BLM: variants seen among roughly 807,000 people sequenced by gnomAD.
BLM encodes the protein recQ-like DNA helicase BLM.
BLM carries 95 observed loss-of-function variants against 135.3 expected under a neutral mutation model. The ratio of observed to expected loss-of-function variants is 0.70; its 90% CI spans 0.59 to 0.83. The LOEUF is 0.83. BLM is among the 40% of genes least tolerant of loss of function. The probability of loss-of-function intolerance (pLI) is 0.00; values close to 1 mark genes in which losing one functional copy is unlikely to be tolerated. For missense variants in BLM, 1,518 were observed against 1,663.9 expected (o/e 0.91, Z 1.53); for synonymous variants, 520 against 589.2 (o/e 0.88, Z 1.70).
intron 10 of BLM, 58 bp from the exon 11 acceptor site, chr15:90,769,075 A>G (rs999719287): frequency 3.0e-6 from 4 of 1,350,046 alleles, no homozygotes; most frequent in Non-Finnish European, 4.3e-6. Flanking sequence ...TGAAGACCAC[A>G]GAATCATGAG....
Position 90,765,307 on chromosome 15 carries a change from A to G in BLM, c.2086A>G (p.Ser696Gly), listed in dbSNP as rs1896091802. The stretch of plus-strand genomic sequence containing the variant: ...TTGTTCTCTTTCAGGAGGTGGTAAG[A>G]GTTTGTGTTACCAGCTCCCTGCCTG... Reference protein sequence around the residue: ...FILMPTGGGKSLCYQLPACVS... With the variant: ...FILMPTGGGKGLCYQLPACVS... The change falls in exon 9 of 22, where the codon AGT becomes GGT. Residue 696 changes from serine (S) to glycine (G), a missense_variant. Physicochemically the swap from Ser to Gly is moderately conservative, Grantham distance 56 (BLOSUM62 0). Around this residue, in one of 5 missense-constraint regions of BLM, gnomAD observed 626 missense variants for 681.1 expected, o/e 0.92. Coordinates refer to ENST00000355112, the MANE Select transcript of BLM (RefSeq NM_000057.4). 6.2e-7 allele frequency: 1 copy of G among 1,609,492 alleles called. No individual in the cohort carries two copies. The highest frequency in any genetic ancestry group is 8.5e-7 in the Non-Finnish European group (1 of 1,175,852).
chr15:90,813,470 T>G (rs1046294862), intron 21 of BLM, among the ~76,000 whole-genome samples: 1 of 152,166 alleles, frequency 6.6e-6, no homozygotes, highest in South Asian at 2.1e-4. Context: ...CTTGGCTCAC[T>G]GCAGCCTCTG....
rs77970791 is a variant in BLM at position 90,788,166 on chromosome 15, G to C, written c.2824-2483G>C. On this transcript the variant is annotated intron_variant, in intron 14 of 21. Transcript: ENST00000355112. ...GTTGACAAAAGGAGGTAAGGATTCA[G>C]CCTAAGAATAGTAAGTGTACCCAAG... Among the ~76,000 whole-genome samples the C allele has an allele frequency of 2.8e-3, 428 of 152,222 alleles. 7 individuals carry two copies. The highest frequency in any genetic ancestry group is 0.019 in the Admixed American group (289 of 15,282).
At position 90,803,842 on chromosome 15, in the gene BLM, G is replaced by A. The variant is rs898572636; in HGVS notation, c.3558+122G>A. On this transcript the variant is annotated intron_variant, in intron 18 of 21. Coordinates refer to ENST00000355112, the MANE Select transcript of BLM (RefSeq NM_000057.4). The stretch of plus-strand genomic sequence containing the variant: ...TGAATTTATATATACTGTTCTATAC[G>A]AACATATTCTGTTTTTCTTAAATTG... The A allele has an allele frequency of 5.7e-5, 59 of 1,029,874 alleles. 1 individual carries two copies. The highest frequency in any genetic ancestry group is 4.1e-4 in the Admixed American group (16 of 39,134). 63.8% of individuals were successfully genotyped at this position (1,029,874 alleles called of 1,614,324 possible).
chr15:90,740,945 TG>T (rs2151140289), intron 1 of BLM, among the ~76,000 whole-genome samples: 1 of 152,304 alleles, frequency 6.6e-6, no homozygotes, highest in East Asian at 1.9e-4. Context: ...CACTCTCAGG[TG>T]TTTCTTCATA....
At chr15:90,799,848 G>T (rs1165714685) in intron 17 of BLM, among the ~76,000 whole-genome samples, 1 of 152,082 alleles carries the variant, frequency 6.6e-6, no homozygotes, top group African/African-American at 2.4e-5. Flanking sequence ...CAAAGGGGCA[G>T]TTAGAATGTG....
chr15:90,804,203 A>C lies in BLM; in HGVS notation c.3595A>C (p.Lys1199Gln). The C allele has an allele frequency of 6.2e-7, 1 of 1,614,196 alleles. No homozygotes were observed. The highest frequency in any genetic ancestry group is 8.5e-7 in the Non-Finnish European group (1 of 1,180,006). ...GGAAACAGAAAATTCCAGCAGTGTG[A>C]AAAAACAAAAAGCGTTAGTAGCAAA... ...FMETENSSSV[K>Q]KQKALVAKVS... Residue 1199 changes from lysine (K) to glutamine (Q), a missense_variant, in exon 19 of 22, where the codon AAA becomes CAA. Coordinates refer to ENST00000355112, the MANE Select transcript of BLM (RefSeq NM_000057.4).
chr15:90,721,708 G>A (rs60376751), intron 1 of BLM, among the ~76,000 whole-genome samples: 4 of 152,074 alleles, frequency 2.6e-5, no homozygotes, highest in South Asian at 2.1e-4. Flanking sequence ...CTAGGTGGGC[G>A]GATCATGAGG....
chr15:90,751,448 T>C (rs140728932), intron 3 of BLM, among the ~76,000 whole-genome samples: 2 of 152,354 alleles, frequency 1.3e-5, no homozygotes, highest in Non-Finnish European at 2.9e-5. Flanking sequence ...ATCAGACTTA[T>C]CTGTTGCACT....
At chr15:90,730,210 T>C (rs755664881) in intron 1 of BLM, among the ~76,000 whole-genome samples, 5 of 152,190 alleles carry the variant, frequency 3.3e-5, no homozygotes, top group Non-Finnish European at 5.9e-5. Flanking sequence ...CACAAAATTA[T>C]AGCCTTTGTG....
At chr15:90,732,976 C>G (rs1895107796) in intron 1 of BLM, among the ~76,000 whole-genome samples, 1 of 152,216 alleles carries the variant, frequency 6.6e-6, no homozygotes, top group African/African-American at 2.4e-5. Context: ...ACCTGTAATC[C>G]CAGCTACTCG....
At chr15:90,811,061 C>G (rs1162536233) in intron 20 of BLM, 144 bp from the exon 21 acceptor site, 3 of 805,554 alleles carry the variant, frequency 3.7e-6, no homozygotes, top group Middle Eastern at 3.5e-4. Flanking sequence ...AGGTTTGGTT[C>G]TTGCTGAATT....
chr15:90,751,466 T>C lies in BLM; in HGVS notation c.800-321T>C, dbSNP rs893127838. On this transcript the variant is annotated intron_variant, in intron 3 of 21. Coordinates refer to ENST00000355112, the MANE Select transcript of BLM (RefSeq NM_000057.4). Reference sequence around the variant, plus strand: ...AGACTTATCTGTTGCACTTTACCCTTATTTAAATATGAGTGAAAAGTTAAA... The same window carrying C: ...AGACTTATCTGTTGCACTTTACCCTCATTTAAATATGAGTGAAAAGTTAAA... 3.3e-5 allele frequency among the ~76,000 whole-genome samples: 5 copies of C among 152,258 alleles called. No homozygotes were observed. The East Asian group carries it at 9.6e-4, about 29-fold the overall frequency.
intron 21 of BLM, 57 bp downstream of exon 21, chr15:90,811,463 G>A (rs904593421): frequency 6.5e-7 from 1 of 1,542,986 alleles, no homozygotes; most frequent in Non-Finnish European, 8.9e-7. Context: ...GGACAAAAGT[G>A]CAACAGCTCT....
In BLM at chr15:90,785,416, C is replaced by CT. The variant is rs771989945; in HGVS notation, c.2823+337dup. Among the ~76,000 whole-genome samples, 69 of 152,274 alleles carry CT rather than the reference C, an allele frequency of 4.5e-4. 1 individual carries two copies. Among genetic ancestry groups the CT allele is most frequent in the South Asian group, 2.3e-3 (11 of 4,826 alleles). On this transcript the variant is annotated intron_variant, in intron 14 of 21. Transcript: ENST00000355112. ...TAAAAAGAAACCTCATACCCAGTCA[C>CT]TTCCCCCACCCCCTAATGCCTGGAA...
At chr15:90,750,359 C>T (rs1045342601) in intron 3 of BLM, among the ~76,000 whole-genome samples, 1 of 152,152 alleles carries the variant, frequency 6.6e-6, no homozygotes, top group South Asian at 2.1e-4. Flanking sequence ...GTTTCAGTTA[C>T]CCGCAGCCGG....
chr15:90,749,011 G>A (rs563869291), intron 2 of BLM, among the ~76,000 whole-genome samples: 52 of 151,976 alleles, frequency 3.4e-4, no homozygotes, highest in South Asian at 1.7e-3. Context: ...CACCTGCCTC[G>A]GCCTCCCAAA....
intron 17 of BLM, among the ~76,000 whole-genome samples, chr15:90,800,830 A>G (rs1897148401): frequency 6.6e-6 from 1 of 152,148 alleles, no homozygotes; most frequent in Non-Finnish European, 1.5e-5. Context: ...AGATTATACA[A>G]GAGAGCAAGA....
intron 12 of BLM, among the ~76,000 whole-genome samples, chr15:90,782,089 C>T (rs10468106): frequency 0.018 from 2,730 of 152,142 alleles, 81 homozygotes; most frequent in African/African-American, 0.06. Context: ...CAATATTCAA[C>T]TTAAGACTAC....
Sources: allele counts gnomAD v4.1 joint callset (sites outside exome capture counted in the v4.1 genomes callset), GRCh38; gene constraint gnomAD v4.1.1; regional missense constraint gnomAD v4.1.1; transcripts MANE v1.5; gene names NCBI Gene and HGNC (gene_info 2026-07-23, HGNC 2026-07-21).